ANK2: variants seen among roughly 807,000 people sequenced by gnomAD.
ANK2 encodes the protein ankyrin 2.
ANK2 carries 83 observed loss-of-function variants against 360.5 expected under a neutral mutation model. The ratio of observed to expected loss-of-function variants is 0.23; its 90% CI spans 0.19 to 0.28. The LOEUF (loss-of-function observed/expected upper bound fraction) is 0.28. Ranked by LOEUF, ANK2 falls within the 10% of genes least tolerant of loss-of-function variation. The pLI, the probability that ANK2 is intolerant of heterozygous loss-of-function variation, is 1.00. For missense variants in ANK2, 4,201 were observed against 4,795.7 expected (o/e 0.88, Z 3.66); for synonymous variants, 1,740 against 1,759.5 (o/e 0.99, Z 0.28).
intron 2 of ANK2, among the ~76,000 whole-genome samples, chr4:112,957,630 G>A (rs1425732253): frequency 1.3e-5 from 2 of 151,262 alleles, no homozygotes. Context: ...CGGGGCGGCT[G>A]GCCGGGCGGG....
intron 2 of ANK2, among the ~76,000 whole-genome samples, chr4:112,989,965 T>A (rs868205606): frequency 6.6e-6 from 1 of 152,166 alleles, no homozygotes; most frequent in Non-Finnish European, 1.5e-5. Context: ...AATTAATAAT[T>A]TTTTAAAAAA....
intron 10 of ANK2, among the ~76,000 whole-genome samples, chr4:113,251,160 C>T (rs2046129516): frequency 6.6e-6 from 1 of 152,004 alleles, no homozygotes; most frequent in Admixed American, 6.6e-5. Context: ...ATGTTACAGC[C>T]AATACAAAAA....
intron 1 of ANK2, among the ~76,000 whole-genome samples, chr4:112,863,174 A>C (rs971595238): frequency 6.6e-6 from 1 of 152,132 alleles, no homozygotes; most frequent in African/African-American, 2.4e-5. Context: ...AATTTAAGTT[A>C]TAGTCAGTGT....
intron 2 of ANK2, among the ~76,000 whole-genome samples, chr4:112,974,481 A>T (rs574288018): frequency 6.6e-6 from 1 of 152,188 alleles, no homozygotes; most frequent in Non-Finnish European, 1.5e-5. Context: ...GAATTGTAAG[A>T]TTTCTGTGAA....
chr4:113,108,816 A>G (rs771606521), intron 1 of ANK2, among the ~76,000 whole-genome samples: 1 of 152,168 alleles, frequency 6.6e-6, no homozygotes, highest in Non-Finnish European at 1.5e-5. Context: ...TTCTACCTGA[A>G]CCATCAAGTT....
intron 2 of ANK2, among the ~76,000 whole-genome samples, chr4:112,931,742 CAT>C (rs2154237822): frequency 6.6e-6 from 1 of 152,258 alleles, no homozygotes; most frequent in South Asian, 2.1e-4. Flanking sequence ...TTTGGAGAAT[CAT>C]GTGATAACTC....
intron 42 of ANK2, 55 bp downstream of exon 42, chr4:113,367,906 G>A (rs114788911): frequency 0.034 from 54,569 of 1,596,936 alleles, 1,833 homozygotes; most frequent in South Asian, 0.13. Context: ...AGGCTATTGT[G>A]GATGCCAGGC....
chr4:112,817,676 CTT>C (rs932786549), upstream of ANK2, among the ~76,000 whole-genome samples: 5 of 151,488 alleles, frequency 3.3e-5, no homozygotes, highest in East Asian at 1.9e-4. Context: ...TATATAAACT[CTT>C]ATATAAAAGA....
At chr4:113,154,626 A>T (rs1011059024) in intron 1 of ANK2, among the ~76,000 whole-genome samples, 4 of 152,204 alleles carry the variant, frequency 2.6e-5, no homozygotes, top group African/African-American at 4.8e-5. Context: ...TTTTAAAATT[A>T]TATATAAATC....
chr4:113,085,016 T>C (rs973568384), intron 1 of ANK2, among the ~76,000 whole-genome samples: 2 of 152,214 alleles, frequency 1.3e-5, no homozygotes, highest in African/African-American at 4.8e-5. Context: ...TCCAGGATTA[T>C]TGTTAAGATT....
At chr4:112,991,282 T>C (rs1359357811) in intron 2 of ANK2, among the ~76,000 whole-genome samples, 4 of 151,760 alleles carry the variant, frequency 2.6e-5, no homozygotes, top group Non-Finnish European at 5.9e-5. Flanking sequence ...GAGACCTTCA[T>C]TGGTTCAATG....
chr4:112,809,559 TA>T, the ANK2 span, among the ~76,000 whole-genome samples: 6 of 95,340 alleles, frequency 6.3e-5, no homozygotes, highest in Admixed American at 1.2e-4. Context: ...AGACTCCGTC[TA>T]AAAAAAAAAT....
chr4:113,291,511 G>A (rs2067563469), intron 20 of ANK2, among the ~76,000 whole-genome samples: 1 of 152,222 alleles, frequency 6.6e-6, no homozygotes, highest in South Asian at 2.1e-4. Context: ...TGGGCAGACA[G>A]AGTGCAGTGA....
At chr4:112,715,573 A>G in the ANK2 span, among the ~76,000 whole-genome samples, 1 of 152,224 alleles carries the variant, frequency 6.6e-6, no homozygotes, top group East Asian at 1.9e-4. Flanking sequence ...AACATTTCAC[A>G]GGAAATATTT....
At chr4:113,280,057 C>T (rs1169200287) in intron 17 of ANK2, among the ~76,000 whole-genome samples, 1 of 152,048 alleles carries the variant, frequency 6.6e-6, no homozygotes, top group Non-Finnish European at 1.5e-5. Context: ...TATACCTGCT[C>T]ACTTAACATA....
At chr4:113,262,546 G>C (rs929920723) in intron 13 of ANK2, among the ~76,000 whole-genome samples, 1 of 151,992 alleles carries the variant, frequency 6.6e-6, no homozygotes, top group African/African-American at 2.4e-5. Context: ...TGTTTTGTTT[G>C]AATACCATCG....
rs55980674 is a variant in ANK2 at position 112,950,649 on chromosome 4, GAA to G, written c.21+46148_21+46149del. ...ACAGAGCGAGACTCTGTCTCAAAAA[GAA>G]AAAAAAAAAAAAGAAAAAAAGAAAG... On this transcript the variant is annotated intron_variant, in intron 2 of 30. Coordinates refer to the ANK2 transcript ENST00000503271. Among the ~76,000 whole-genome samples the G allele has an allele frequency of 2.5e-3, 298 of 118,782 alleles. 2 individuals carry two copies. Among genetic ancestry groups the G allele is most frequent in the African/African-American group, 7.1e-3 (239 of 33,840 alleles). The allele number at this position is 118,782 out of a possible 152,430, so 77.9% of individuals were successfully genotyped here. A position where few individuals can be genotyped will look rare whatever the true frequency, so the allele number is the denominator to read the frequency against.
At chr4:112,992,630 C>G (rs1393349834) in intron 2 of ANK2, among the ~76,000 whole-genome samples, 2 of 152,128 alleles carry the variant, frequency 1.3e-5, no homozygotes, top group Non-Finnish European at 2.9e-5. Context: ...TAGCTTCTCA[C>G]TGTGTTCTCA....
chr4:112,936,150 C>A (rs1178322472), intron 2 of ANK2, among the ~76,000 whole-genome samples: 1 of 152,108 alleles, frequency 6.6e-6, no homozygotes, highest in Non-Finnish European at 1.5e-5. Flanking sequence ...TGAAGCATTG[C>A]TTTGTCTGTC....
Sources: allele counts gnomAD v4.1 joint callset (sites outside exome capture counted in the v4.1 genomes callset), GRCh38; gene constraint gnomAD v4.1.1; transcripts MANE v1.5; gene names NCBI Gene and HGNC (gene_info 2026-07-23, HGNC 2026-07-21).